The following SERPINE2 variants were observed in gnomAD, a reference collection of about 807,000 sequenced individuals.
SERPINE2 encodes the protein serpin family E member 2, also known as glia-derived nexin.
In SERPINE2, 14 loss-of-function variants were observed where a neutral mutation model predicts 36.3. The ratio of observed to expected loss-of-function variants is 0.39; its 90% CI spans 0.25 to 0.60. The LOEUF (loss-of-function observed/expected upper bound fraction) is 0.60, where lower values mean the gene tolerates loss of function less well. SERPINE2 is among the 20% of genes least tolerant of loss of function. The probability of loss-of-function intolerance (pLI) is 0.57; values close to 1 mark genes in which losing one functional copy is unlikely to be tolerated. For synonymous variants in SERPINE2, 192 were observed against 191.8 expected, an observed-to-expected ratio of 1.00 and a Z score of -0.01; for missense variants, 418 against 499.6, an observed-to-expected ratio of 0.84 and a Z score of 1.56.
At chr2:224,002,659 T>C (rs1373102478) in intron 1 of SERPINE2, among the ~76,000 whole-genome samples, 1 of 11,414 alleles carries the variant, frequency 8.8e-5, no homozygotes, top group African/African-American at 2.1e-4. Flanking sequence ...CGTCTGGCAA[T>C]TTTTTTTTTT....
At chr2:223,997,625 CGGGG>C (rs967852796) in intron 3 of SERPINE2, among the ~76,000 whole-genome samples, 1 of 151,976 alleles carries the variant, frequency 6.6e-6, no homozygotes, top group Admixed American at 6.5e-5. Context: ...GGGCTGTAAT[CGGGG>C]GGGTGTAAAA....
chr2:223,994,413 A>G (rs1421302759), intron 3 of SERPINE2, among the ~76,000 whole-genome samples: 1 of 152,236 alleles, frequency 6.6e-6, no homozygotes, highest in Non-Finnish European at 1.5e-5. Flanking sequence ...CATAGTTTAG[A>G]GGCAAAGAGG....
Position 223,992,491 on chromosome 2 carries a change from T to C in SERPINE2, c.488-491A>G, listed in dbSNP as rs549980460. ...AATAAACACTTCAGCCTGTATGTTA[T>C]TAAGGGTGAATGCTTCATTTCTCTT... On this transcript the variant is annotated intron_variant, in intron 3 of 8. Coordinates refer to ENST00000409304, the MANE Select transcript of SERPINE2 (RefSeq NM_001136528.2). 5.3e-4 allele frequency among the ~76,000 whole-genome samples: 81 copies of C among 152,306 alleles called. No homozygotes were observed. The South Asian group carries it at 0.016, about 30-fold the overall frequency.
intron 1 of SERPINE2, among the ~76,000 whole-genome samples, chr2:224,032,065 G>C (rs557775640): frequency 3.1e-4 from 47 of 152,316 alleles, no homozygotes; most frequent in African/African-American, 1.0e-3. Flanking sequence ...GTAAGCAAAA[G>C]ATAATGCAGT....
intron 1 of SERPINE2, chr2:224,030,016 T>C (rs1343941031): frequency 3.5e-5 from 34 of 980,082 alleles, no homozygotes; most frequent in Non-Finnish European, 3.8e-5. Flanking sequence ...CATAGACATT[T>C]ATTCGTTATT....
At chr2:224,033,865 T>C (rs931891125) in intron 1 of SERPINE2, among the ~76,000 whole-genome samples, 2 of 152,206 alleles carry the variant, frequency 1.3e-5, no homozygotes, top group Admixed American at 1.3e-4. Context: ...CAAGTGCTTC[T>C]GTATTAGACT....
At chr2:223,976,012 T>G in intron 8 of SERPINE2, 108 bp from the exon 9 acceptor site, 1 of 933,412 alleles carries the variant, frequency 1.1e-6, no homozygotes, top group Non-Finnish European at 1.6e-6. Context: ...TTTGACCTCT[T>G]GCTCAGTAGT....
intron 4 of SERPINE2, among the ~76,000 whole-genome samples, chr2:223,985,427 T>A (rs1228330787): frequency 6.6e-6 from 1 of 152,004 alleles, no homozygotes; most frequent in Non-Finnish European, 1.5e-5. Flanking sequence ...TTATCTCACA[T>A]AATTACCCAT....
chr2:223,976,834 G>A (rs1010584060), intron 8 of SERPINE2, among the ~76,000 whole-genome samples: 2 of 152,200 alleles, frequency 1.3e-5, no homozygotes, highest in African/African-American at 4.8e-5. Flanking sequence ...CTTACAAAGT[G>A]GTATGGTTTG....
intron 1 of SERPINE2, among the ~76,000 whole-genome samples, chr2:224,035,174 G>A (rs1423215763): frequency 6.6e-6 from 1 of 152,148 alleles, no homozygotes; most frequent in Non-Finnish European, 1.5e-5. Context: ...GTAAGCACTA[G>A]GCATTCCCAG....
chr2:224,001,162 G>C (rs1340731965), intron 2 of SERPINE2, among the ~76,000 whole-genome samples: 7 of 152,098 alleles, frequency 4.6e-5, no homozygotes, highest in Non-Finnish European at 1.0e-4. Flanking sequence ...GGGGAGGGGG[G>C]TCTGTGCAAC....
chr2:224,034,373 G>A (rs1199862414), intron 1 of SERPINE2, among the ~76,000 whole-genome samples: 1 of 152,176 alleles, frequency 6.6e-6, no homozygotes, highest in African/African-American at 2.4e-5. Flanking sequence ...CCAGGCAGAG[G>A]TACAGAAGGA....
At chr2:224,022,658 A>C (rs1692045803) in intron 1 of SERPINE2, among the ~76,000 whole-genome samples, 1 of 152,198 alleles carries the variant, frequency 6.6e-6, no homozygotes, top group Non-Finnish European at 1.5e-5. Flanking sequence ...ACTGACTAGA[A>C]AATTCCCTAC....
In SERPINE2 at chr2:223,991,817, G is replaced by C. The variant is rs759029222; in HGVS notation, c.671C>G (p.Ser224Cys). 1.2e-6 allele frequency: 2 copies of C among 1,613,994 alleles called. No homozygotes were observed. Among genetic ancestry groups the C allele is most frequent in the Non-Finnish European group, 1.7e-6 (2 of 1,180,026 alleles). The change falls in exon 4 of 9, where the codon TCC becomes TGC. Residue 224 changes from serine (S) to cysteine (C), a missense_variant. By Grantham distance (112) the Ser-to-Cys change is moderately radical. Coordinates refer to ENST00000409304, the MANE Select transcript of SERPINE2 (RefSeq NM_001136528.2). ...CATGAACTCACCACACCGGAACACGGAGAGCTGGGCCAGCATTGGCACTTG... is the reference window on the plus strand; with the variant it reads ...CATGAACTCACCACACCGGAACACGCAGAGCTGGGCCAGCATTGGCACTTG... ...SYQVPMLAQL[S>C]VFRCGSTSAP...
At chr2:224,027,437 C>G (rs966153400) in intron 1 of SERPINE2, among the ~76,000 whole-genome samples, 2 of 152,156 alleles carry the variant, frequency 1.3e-5, no homozygotes, top group Admixed American at 1.3e-4. Flanking sequence ...AGGGGACTTC[C>G]ACGCAGCCTT....
intron 1 of SERPINE2, chr2:224,031,140 T>C (rs1692349954): frequency 4.1e-6 from 4 of 985,432 alleles, no homozygotes; most frequent in East Asian, 1.1e-4. Context: ...TGAATATCCA[T>C]GGTATCAGCT....
chr2:224,019,945 C>A (rs1232442685), intron 1 of SERPINE2, among the ~76,000 whole-genome samples: 1 of 152,014 alleles, frequency 6.6e-6, no homozygotes, highest in Non-Finnish European at 1.5e-5. Flanking sequence ...GATGGACCAA[C>A]CAAATGTCTG....
intron 1 of SERPINE2, among the ~76,000 whole-genome samples, chr2:224,016,313 C>T (rs957724868): frequency 6.6e-6 from 1 of 152,168 alleles, no homozygotes; most frequent in Non-Finnish European, 1.5e-5. Flanking sequence ...CAAGACCAGC[C>T]TCACTAACAT....
At position 223,998,376 on chromosome 2, in the gene SERPINE2, C is replaced by T. The variant is rs576278840; in HGVS notation, c.260-34G>A. 3.3e-4 allele frequency: 503 copies of T among 1,514,552 alleles called. 7 individuals carry two copies. The South Asian group carries it at 5.0e-3, about 15-fold the overall frequency. 93.8% of individuals were successfully genotyped at this position (1,514,552 alleles called of 1,614,324 possible). ...GAAATCAGAAGATACAGCAATACTT[C>T]CATAAGAATCTAGAAAAGTTTTTAA... On this transcript the variant is annotated intron_variant, in intron 2 of 8. Transcript: ENST00000409304.
Sources: allele counts gnomAD v4.1 joint callset (sites outside exome capture counted in the v4.1 genomes callset), GRCh38; gene constraint gnomAD v4.1.1; transcripts MANE v1.5; gene names NCBI Gene and HGNC (gene_info 2026-07-23, HGNC 2026-07-21).